Variants in DCAF7 observed in about 807,000 individuals in gnomAD.
DCAF7 encodes the protein DDB1- and CUL4-associated factor 7.
A neutral mutation model predicts 41.2 loss-of-function variants in DCAF7; 4 were observed. That is an observed-to-expected ratio of 0.10 (90% CI 0.05 to 0.22). The LOEUF (loss-of-function observed/expected upper bound fraction) is 0.22, where lower values mean the gene tolerates loss of function less well. DCAF7 is among the 10% of genes least tolerant of loss of function. DCAF7 has a pLI of 1.00. For missense variants in DCAF7, 131 were observed against 443.2 expected, an observed-to-expected ratio of 0.30 and a Z score of 6.32; for synonymous variants, 143 against 164.2, an observed-to-expected ratio of 0.87 and a Z score of 0.99.
intron 1 of DCAF7, among the ~76,000 whole-genome samples, chr17:63,566,211 A>G (rs1055958798): frequency 5.3e-5 from 8 of 152,130 alleles, no homozygotes; most frequent in African/African-American, 1.9e-4. Context: ...TCTACTAAAA[A>G]TACAAAAAAA....
Position 63,550,775 on chromosome 17 carries a change from G to T in DCAF7, c.98G>T (p.Arg33Leu). The T allele has an allele frequency of 1.2e-6, 2 of 1,613,896 alleles. No homozygotes were observed. Among genetic ancestry groups the T allele is most frequent in the Non-Finnish European group, 1.7e-6 (2 of 1,179,820 alleles). ...NWSVRPDKRF[R>L]LALGSFVEEY... The stretch of plus-strand genomic sequence containing the variant: ...AGTGTGCGGCCCGATAAGCGCTTTC[G>T]CTTGGCGCTGGGCAGCTTCGTGGAG... The change falls in exon 1 of 7, where the codon CGC becomes CTC. Residue 33 changes from arginine (R) to leucine (L), a missense_variant. Transcript: ENST00000614556. The surrounding 1 kb of genome is among the most constrained non-coding windows in gnomAD (Gnocchi z 4.8).
intron 1 of DCAF7, among the ~76,000 whole-genome samples, chr17:63,573,812 C>CT (rs2033532990): frequency 6.6e-6 from 1 of 152,100 alleles, no homozygotes; most frequent in Non-Finnish European, 1.5e-5. Flanking sequence ...GTCACAGTCC[C>CT]TCTTGTGGCC....
intron 1 of DCAF7, among the ~76,000 whole-genome samples, chr17:63,559,819 G>C (rs2147761118): frequency 6.6e-6 from 1 of 152,044 alleles, no homozygotes; most frequent in East Asian, 1.9e-4. Context: ...AAAAAACCTT[G>C]TACCAGAATT....
rs1208650465 is a variant in DCAF7, at chr17:63,589,524, CTGTT to C, written c.*355_*358del. On this transcript the variant is annotated 3_prime_UTR_variant, in exon 7 of 7. Coordinates refer to ENST00000614556, the MANE Select transcript of DCAF7 (RefSeq NM_005828.5). ...TGTCTATTCCTCTGCCCAGGTGTCT[CTGTT>C]TGCTGCCCAAGGCAGCAGTTCATGT... 5.9e-6 allele frequency: 2 copies of C among 338,208 alleles called. No individual in the cohort carries two copies. The highest frequency in any genetic ancestry group is 1.2e-5 in the Non-Finnish European group (2 of 173,398). 21.0% of individuals were successfully genotyped at this position (338,208 alleles called of 1,614,324 possible).
intron 1 of DCAF7, among the ~76,000 whole-genome samples, chr17:63,566,043 A>G (rs933406663): frequency 6.6e-6 from 1 of 151,798 alleles, no homozygotes; most frequent in South Asian, 2.1e-4. Context: ...AGAAGTTGCA[A>G]TGAGCCAAGA....
Position 63,579,804 on chromosome 17 carries a change from AC to A in DCAF7, c.410-20del. On this transcript the variant is annotated intron_variant, in intron 3 of 6. Coordinates refer to ENST00000614556, the MANE Select transcript of DCAF7 (RefSeq NM_005828.5). ...GAGAACCTTGGTCCCGTCAGCCCTG[AC>A]TTGCACTGGTTGTTTGCAGGTACCT... 1 of 1,603,352 alleles carries A rather than the reference AC, an allele frequency of 6.2e-7. No individual in the cohort carries two copies. The highest frequency in any genetic ancestry group is 8.5e-7 in the Non-Finnish European group (1 of 1,170,536).
At chr17:63,571,937 A>C (rs1254736146) in intron 1 of DCAF7, among the ~76,000 whole-genome samples, 1 of 151,924 alleles carries the variant, frequency 6.6e-6, no homozygotes, top group Non-Finnish European at 1.5e-5. Context: ...TAAGTTGGAA[A>C]ACCATTGCTG....
chr17:63,585,627 A>G (rs1169418946), intron 6 of DCAF7, among the ~76,000 whole-genome samples: 1 of 152,212 alleles, frequency 6.6e-6, no homozygotes, highest in Non-Finnish European at 1.5e-5. Context: ...AATTCCAGGA[A>G]TATGGGGAAA....
chr17:63,555,814 T>A (rs2033304895), intron 1 of DCAF7, among the ~76,000 whole-genome samples: 1 of 152,242 alleles, frequency 6.6e-6, no homozygotes, highest in Non-Finnish European at 1.5e-5. Context: ...ACTTTATTGC[T>A]TTTTGTCCTA....
At chr17:63,579,233 T>G in intron 2 of DCAF7, 104 bp from the exon 3 acceptor site, 1 of 731,440 alleles carries the variant, frequency 1.4e-6, no homozygotes, top group Non-Finnish European at 2.2e-6. Flanking sequence ...TGTTTTCCCC[T>G]CATGTCTTAT....
rs755286057 is a variant in DCAF7 at position 63,579,844 on chromosome 17, G to A, written c.429G>A (p.Thr143=). Reference sequence around the variant, plus strand: ...TTGCAGGTACCTCAAGCATTGATACGACATGCACCATCTGGGGGCTGGAGA... The same window carrying A: ...TTGCAGGTACCTCAAGCATTGATACAACATGCACCATCTGGGGGCTGGAGA... ...PYLLGTSSID[T]TCTIWGLETG... is the part of the protein sequence containing the mutation. The change falls in exon 4 of 7, where the codon ACG becomes ACA. Residue 143 remains threonine, a synonymous_variant. Transcript: ENST00000614556. The A allele has an allele frequency of 6.2e-6, 10 of 1,613,666 alleles. No homozygotes were observed. In the Admixed American group the frequency reaches 8.3e-5, roughly 13 times the overall value.
At chr17:63,583,806 C>T (rs1249230116) in intron 5 of DCAF7, 95 bp downstream of exon 5, 1 of 1,275,264 alleles carries the variant, frequency 7.8e-7, no homozygotes, top group Non-Finnish European at 1.1e-6. Context: ...CAGTTTGGCT[C>T]CCGGAGTATC....
At chr17:63,585,859 C>T (rs924925413) in intron 6 of DCAF7, among the ~76,000 whole-genome samples, 1 of 152,146 alleles carries the variant, frequency 6.6e-6, no homozygotes, top group Non-Finnish European at 1.5e-5. Context: ...CAGTGGTTCA[C>T]GCCTGTAATC....
chr17:63,563,431 G>A (rs1053817418), intron 1 of DCAF7, among the ~76,000 whole-genome samples: 36 of 152,158 alleles, frequency 2.4e-4, no homozygotes, highest in Admixed American at 6.6e-5. Flanking sequence ...GTAAGTTGGT[G>A]TCTATTAAAA....
At chr17:63,577,629 A>G (rs780083992) in intron 1 of DCAF7, among the ~76,000 whole-genome samples, 8 of 152,158 alleles carry the variant, frequency 5.3e-5, no homozygotes, top group African/African-American at 9.7e-5. Flanking sequence ...CATTTGACAT[A>G]CCTTTATGTG....
chr17:63,568,803 C>G (rs1226102388), intron 1 of DCAF7, among the ~76,000 whole-genome samples: 1 of 152,210 alleles, frequency 6.6e-6, no homozygotes, highest in Non-Finnish European at 1.5e-5. Flanking sequence ...CAATACATGT[C>G]TCTTTTCTGC....
rs538328440 is a variant in DCAF7, at chr17:63,550,918, C to T, written c.138+103C>T. On this transcript the variant is annotated intron_variant, in intron 1 of 6. Transcript: ENST00000614556. This position sits in a 1 kb window ranked among gnomAD's most constrained non-coding sequence, Gnocchi z 4.8. ...CCTCAGAACCCTCTTGCGGACTCGC[C>T]CTAGGGCCACGGAGCGGTTCCTCTG... is the stretch of plus-strand genomic sequence containing the variant. 294 of 1,487,286 alleles carry T rather than the reference C, an allele frequency of 2.0e-4. 1 individual carries two copies. In the South Asian group the frequency reaches 2.7e-3, roughly 14 times the overall value. 92.1% of individuals were successfully genotyped at this position (1,487,286 alleles called of 1,614,324 possible).
intron 1 of DCAF7, among the ~76,000 whole-genome samples, chr17:63,563,634 C>T (rs1040847512): frequency 6.6e-6 from 1 of 151,966 alleles, no homozygotes; most frequent in East Asian, 1.9e-4. Context: ...ATGGTGAAAT[C>T]CCATCTCTAT....
At chr17:63,588,904 G>A (rs568620566) in intron 6 of DCAF7, 96 bp from the exon 7 acceptor site, 166 of 1,320,660 alleles carry the variant, frequency 1.3e-4, no homozygotes, top group South Asian at 2.4e-4. Context: ...CCATCACGGG[G>A]GTGCTTTGTA....
Sources: gnomAD v4.1 joint callset for allele counts (sites outside exome capture counted in the v4.1 genomes callset) on GRCh38, gnomAD v4.1.1 for gene constraint, Gnocchi (gnomAD v3.1) non-coding constraint, MANE v1.5 for transcripts, NCBI Gene and HGNC (gene_info 2026-07-23, HGNC 2026-07-21) for gene names.